Variants in MYO9B observed in about 807,000 individuals in gnomAD.
MYO9B encodes the protein unconventional myosin-IXb.
In MYO9B, 71 loss-of-function variants were observed where a neutral mutation model predicts 229.5. The observed-to-expected ratio is 0.31, with a 90% CI of 0.26 to 0.38. The LOEUF is 0.38. MYO9B is among the 10% of genes least tolerant of loss of function. The pLI is 1.00. For missense variants in MYO9B, 2,255 were observed against 2,920.5 expected, an observed-to-expected ratio of 0.77 and a Z score of 5.25; for synonymous variants, 1,185 against 1,235.8, an observed-to-expected ratio of 0.96 and a Z score of 0.86.
Position 17,212,263 on chromosome 19 carries a change from C to A in MYO9B, c.6427C>A (p.Pro2143Thr). 1 of 1,570,136 alleles carries A rather than the reference C, an allele frequency of 6.4e-7. No homozygotes were observed. The highest frequency in any genetic ancestry group is 2.3e-5 in the East Asian group (1 of 43,142). The change falls in exon 40 of 40, where the codon CCC becomes ACC. Residue 2143 changes from proline (P) to threonine (T), a missense_variant. Physicochemically the swap from Pro to Thr is conservative, Grantham distance 38. Around this residue, in one of 7 missense-constraint regions of MYO9B, gnomAD observed 331 missense variants for 332.5 expected, o/e 1.00. Transcript: ENST00000682292. This position sits in a 1 kb window ranked among gnomAD's most constrained non-coding sequence, Gnocchi z 5.4. ...TGGGGCCAAGCGGAGGTACTCGGAT[C>A]CCCCAACGTACTGCCTGCCCCCCGC... is the stretch of plus-strand genomic sequence containing the variant. ...PPGAKRRYSD[P>T]PTYCLPPASG...
rs1198505848 is a variant in MYO9B at position 17,102,120 on chromosome 19, C to T, written c.403C>T (p.Leu135=). The T allele has an allele frequency of 1.2e-6, 2 of 1,613,478 alleles. No homozygotes were observed. Among genetic ancestry groups the T allele is most frequent in the Admixed American group, 1.7e-5 (1 of 60,026 alleles). ...LVAQATATRR[L]VERGLLPRQQ... The stretch of plus-strand genomic sequence containing the variant: ...GGCGCAGGCCACAGCCACCCGGCGC[C>T]TAGTGGAGCGTGGCCTCCTGCCACG... Residue 135 remains leucine (L), a synonymous_variant, in exon 2 of 40, where the codon CTA becomes TTA. Coordinates refer to ENST00000682292, the MANE Select transcript of MYO9B (RefSeq NM_004145.4).
Position 17,081,664 on chromosome 19 carries a change from C to G in MYO9B, c.-59+5790C>G, listed in dbSNP as rs143204797. Among the ~76,000 whole-genome samples, 3 of 152,084 alleles carry G rather than the reference C, an allele frequency of 2.0e-5. No individual in the cohort carries two copies. The East Asian group carries it at 5.8e-4, about 29-fold the overall frequency. ...TCTCTACTAAAAATACAAAAATTAG[C>G]TGGGTGTAGTGGCACACACCTGTAA... On this transcript the variant is annotated intron_variant, in intron 1 of 39. Coordinates refer to ENST00000682292, the MANE Select transcript of MYO9B (RefSeq NM_004145.4).
intron 35 of MYO9B, among the ~76,000 whole-genome samples, chr19:17,209,149 CACTG>C (rs1490994650): frequency 6.6e-6 from 1 of 152,088 alleles, no homozygotes; most frequent in Non-Finnish European, 1.5e-5. Context: ...GTCCCTCTGA[CACTG>C]ACCACTCCGA....
chr19:17,079,910 C>T (rs2057519282), intron 1 of MYO9B, among the ~76,000 whole-genome samples: 1 of 152,200 alleles, frequency 6.6e-6, no homozygotes, highest in Admixed American at 6.5e-5. Flanking sequence ...GAACAAAGGG[C>T]TCTGTCTCCA....
At chr19:17,207,028 C>A in intron 34 of MYO9B, 85 bp from the exon 35 acceptor site, 1 of 1,532,430 alleles carries the variant, frequency 6.5e-7, no homozygotes, top group East Asian at 2.4e-5. Context: ...ACAGCCACCC[C>A]AGGGCTCAGA....
chr19:17,144,924 T>C (rs4808579), intron 2 of MYO9B, among the ~76,000 whole-genome samples: 72,067 of 146,122 alleles, frequency 0.49, 19,046 homozygotes, highest in African/African-American at 0.71. Flanking sequence ...GAGCTGAGAT[T>C]GCGCCCCTGC....
At chr19:17,197,703 G>A in intron 22 of MYO9B, 89 bp from the exon 23 acceptor site, 1 of 1,489,198 alleles carries the variant, frequency 6.7e-7, no homozygotes, top group Admixed American at 1.7e-5. Context: ...GGGCAGAACT[G>A]CCCAAGTGAG....
intron 38 of MYO9B, among the ~76,000 whole-genome samples, chr19:17,211,407 A>G (rs1286075611): frequency 6.6e-6 from 1 of 152,054 alleles, no homozygotes; most frequent in African/African-American, 2.4e-5. Flanking sequence ...CAGTAGCCGG[A>G]ACCACAGGTG....
At chr19:17,194,008 C>G (rs762085789) in intron 21 of MYO9B, among the ~76,000 whole-genome samples, 44 of 151,950 alleles carry the variant, frequency 2.9e-4, no homozygotes, top group Non-Finnish European at 4.7e-4. Context: ...CCCCATCTTA[C>G]GAAAAATACA....
rs574631162 is a variant in MYO9B at position 17,211,845 on chromosome 19, C to T, written c.6059-50C>T. ...AGCAGGCCCCAGGGCGAGGGTCCTC[C>T]GGCTGCCGGCCCTGAAGCTGCAGTA... On this transcript the variant is annotated intron_variant, in intron 39 of 39. Coordinates refer to ENST00000682292, the MANE Select transcript of MYO9B (RefSeq NM_004145.4). The T allele has an allele frequency of 4.0e-5, 64 of 1,605,008 alleles. No homozygotes were observed. The Middle Eastern group carries it at 8.3e-4, about 21-fold the overall frequency.
At chr19:17,076,378 G>C (rs2057484044) in intron 1 of MYO9B, among the ~76,000 whole-genome samples, 1 of 152,072 alleles carries the variant, frequency 6.6e-6, no homozygotes, top group South Asian at 2.1e-4. Flanking sequence ...CAGTAAATGC[G>C]GGGGGTTCTG....
Position 17,156,995 on chromosome 19 carries a change from TC to T in MYO9B, c.1287del (p.Pro431HisfsTer12). The T allele has an allele frequency of 6.2e-7, 1 of 1,613,624 alleles. No individual in the cohort carries two copies. Among genetic ancestry groups the T allele is most frequent in the Non-Finnish European group, 8.5e-7 (1 of 1,179,800 alleles). On this transcript the variant is annotated frameshift_variant, in exon 7 of 40. Transcript: ENST00000682292. LOFTEE classifies it high-confidence loss of function. ...ACAGGCCGAGAGGAAGGGTTGGAGG[TC>T]GGGCCACCCGAGGTGCTGGACACCC... ...RATGREEGLE[V>X]GPPEVLDTLS...
intron 1 of MYO9B, among the ~76,000 whole-genome samples, chr19:17,076,125 G>C (rs996842901): frequency 6.6e-5 from 10 of 151,346 alleles, no homozygotes; most frequent in Non-Finnish European, 1.2e-4. Context: ...TTGTGGCTTT[G>C]AGCAGCTTCT....
intron 8 of MYO9B, among the ~76,000 whole-genome samples, chr19:17,160,002 T>A (rs1315428206): frequency 6.6e-6 from 1 of 152,068 alleles, no homozygotes; most frequent in Non-Finnish European, 1.5e-5. Flanking sequence ...AGCCTGTGAG[T>A]CTCAAGCCTG....
intron 1 of MYO9B, among the ~76,000 whole-genome samples, chr19:17,079,732 T>TGG (rs1191026680): frequency 6.6e-6 from 1 of 152,204 alleles, no homozygotes; most frequent in Non-Finnish European, 1.5e-5. Flanking sequence ...CGGTCCCTTC[T>TGG]GGGTGCTGCC....
intron 4 of MYO9B, 114 bp downstream of exon 4, chr19:17,152,820 C>A: frequency 1.1e-6 from 1 of 885,744 alleles, no homozygotes; most frequent in Non-Finnish European, 1.7e-6. Context: ...TGGGGGAGGC[C>A]GTGGAGGCTC....
intron 2 of MYO9B, among the ~76,000 whole-genome samples, chr19:17,136,441 G>C (rs2072270523): frequency 6.6e-6 from 1 of 152,116 alleles, no homozygotes. Flanking sequence ...TCAGCACCTA[G>C]AATGCAGCAC....
chr19:17,111,061 A>G (rs2145077329), intron 2 of MYO9B, among the ~76,000 whole-genome samples: 1 of 152,138 alleles, frequency 6.6e-6, no homozygotes, highest in South Asian at 2.1e-4. Context: ...CAGTGCCATT[A>G]TCCACTTCGA....
intron 13 of MYO9B, among the ~76,000 whole-genome samples, chr19:17,174,352 G>A (rs900050733): frequency 8.6e-5 from 13 of 152,024 alleles, no homozygotes; most frequent in East Asian, 1.9e-4. Flanking sequence ...TTTTAAGATC[G>A]GTCTGCCAGG....
Sources: allele counts gnomAD v4.1 joint callset (sites outside exome capture counted in the v4.1 genomes callset), GRCh38; gene constraint gnomAD v4.1.1; regional missense constraint gnomAD v4.1.1; non-coding constraint Gnocchi (gnomAD v3.1); transcripts MANE v1.5; gene names NCBI Gene and HGNC (gene_info 2026-07-23, HGNC 2026-07-21).